PPARGC1B: variants seen among roughly 807,000 people sequenced by gnomAD.
The protein encoded by PPARGC1B is peroxisome proliferator-activated receptor gamma coactivator 1-beta.
A neutral mutation model predicts 101.6 loss-of-function variants in PPARGC1B; 34 were observed. The ratio of observed to expected loss-of-function variants is 0.33; its 90% CI spans 0.25 to 0.45. The LOEUF (loss-of-function observed/expected upper bound fraction) is 0.45, where lower values mean the gene tolerates loss of function less well. PPARGC1B is among the 20% of genes least tolerant of loss of function. PPARGC1B has a pLI of 1.00. For synonymous variants in PPARGC1B, 548 were observed against 539.3 expected (o/e 1.02, Z -0.22); for missense variants, 1,234 against 1,317.6 (o/e 0.94, Z 0.98).
intron 1 of PPARGC1B, chr5:149,732,762 A>G (rs1162860851): frequency 2.1e-6 from 1 of 469,836 alleles, no homozygotes; most frequent in Admixed American, 2.4e-5. Context: ...AGCTGGAGAA[A>G]GAGGCTGCGA....
At chr5:149,757,517 GT>G in intron 1 of PPARGC1B, among the ~76,000 whole-genome samples, 1 of 152,328 alleles carries the variant, frequency 6.6e-6, no homozygotes, top group Non-Finnish European at 1.5e-5. Context: ...GCCTCGATAA[GT>G]GGCAGAACCG....
intron 1 of PPARGC1B, among the ~76,000 whole-genome samples, chr5:149,768,441 A>ATTT (rs34427591): frequency 0.021 from 2,669 of 127,508 alleles, 161 homozygotes; most frequent in African/African-American, 0.079. Context: ...TGCCTGGCTA[A>ATTT]TTTTTTTTTT....
chr5:149,801,422 G>A (rs1024440790), intron 1 of PPARGC1B, among the ~76,000 whole-genome samples: 6 of 152,164 alleles, frequency 3.9e-5, no homozygotes, highest in South Asian at 4.1e-4. Flanking sequence ...TGTGGGAAGC[G>A]TGTTCCGGGA....
chr5:149,805,294 A>G (rs774489555), intron 1 of PPARGC1B, among the ~76,000 whole-genome samples: 2 of 152,334 alleles, frequency 1.3e-5, no homozygotes, highest in African/African-American at 4.8e-5. Flanking sequence ...CAAATTAACT[A>G]TCATAGGGTC....
At chr5:149,818,297 C>T (rs1298567920) in intron 1 of PPARGC1B, among the ~76,000 whole-genome samples, 1 of 152,092 alleles carries the variant, frequency 6.6e-6, no homozygotes, top group Non-Finnish European at 1.5e-5. Context: ...CATCCTTCCC[C>T]ACCCACCATC....
chr5:149,779,089 C>T (rs566655059), intron 1 of PPARGC1B, among the ~76,000 whole-genome samples: 2 of 152,104 alleles, frequency 1.3e-5, no homozygotes, highest in African/African-American at 4.8e-5. Context: ...AGTCCAGACT[C>T]CTCGGGACAC....
At chr5:149,766,602 ATC>A (rs1664088764) in intron 1 of PPARGC1B, among the ~76,000 whole-genome samples, 1 of 152,146 alleles carries the variant, frequency 6.6e-6, no homozygotes, top group South Asian at 2.1e-4. Context: ...CAACCAAAAT[ATC>A]TGTCCTGTTC....
At chr5:149,814,320 C>T (rs1352471650) in intron 1 of PPARGC1B, among the ~76,000 whole-genome samples, 1 of 152,196 alleles carries the variant, frequency 6.6e-6, no homozygotes, top group Non-Finnish European at 1.5e-5. Context: ...GTCATTCACA[C>T]GTATATTCCT....
intron 1 of PPARGC1B, among the ~76,000 whole-genome samples, chr5:149,807,328 G>C (rs918136567): frequency 4.6e-5 from 7 of 151,958 alleles, no homozygotes; most frequent in Admixed American, 1.3e-4. Flanking sequence ...CATGTCCCTA[G>C]GCACATCTGA....
chr5:149,835,214 C>T lies in PPARGC1B; in HGVS notation c.1743-87C>T, dbSNP rs1758995850. On this transcript the variant is annotated intron_variant, in intron 6 of 11. Coordinates refer to ENST00000309241, the MANE Select transcript of PPARGC1B (RefSeq NM_133263.4). ...GCAGTGGAACCAGGGCCTGTCACAG[C>T]ACTCCCTGCGACCCTTTCATGGGCG... The T allele has an allele frequency of 3.3e-6, 4 of 1,206,732 alleles. No homozygotes were observed. The South Asian group carries it at 4.9e-5, about 15-fold the overall frequency. 74.8% of individuals were successfully genotyped at this position (1,206,732 alleles called of 1,614,324 possible). A position where few individuals can be genotyped will look rare whatever the true frequency, so the allele number is the denominator to read the frequency against.
At chr5:149,776,506 G>C (rs1256432816) in intron 1 of PPARGC1B, among the ~76,000 whole-genome samples, 2 of 152,202 alleles carry the variant, frequency 1.3e-5, no homozygotes, top group Admixed American at 1.3e-4. Context: ...AAATCATTGT[G>C]GTAGGTGGAA....
chr5:149,741,721 A>G (rs1265407034), intron 1 of PPARGC1B, among the ~76,000 whole-genome samples: 2 of 148,204 alleles, frequency 1.3e-5, no homozygotes, highest in African/African-American at 5.0e-5. Flanking sequence ...CCCTCCTCCC[A>G]TGTTCAAGTG....
chr5:149,821,438 G>C (rs1415356199), intron 2 of PPARGC1B, among the ~76,000 whole-genome samples: 3 of 151,602 alleles, frequency 2.0e-5, no homozygotes, highest in African/African-American at 7.2e-5. Context: ...TGTGTGGGTG[G>C]GAGTGTGCGG....
chr5:149,790,742 G>T (rs947903533), intron 1 of PPARGC1B, among the ~76,000 whole-genome samples: 7 of 152,144 alleles, frequency 4.6e-5, no homozygotes, highest in African/African-American at 1.7e-4. Context: ...AGTGACTCCA[G>T]CTGTGAGATG....
rs1758888953 is a variant in PPARGC1B at position 149,833,325 on chromosome 5, A to T, written c.1252A>T (p.Arg418Trp). 1 of 1,613,276 alleles carries T rather than the reference A, an allele frequency of 6.2e-7. No homozygotes were observed. Among genetic ancestry groups the T allele is most frequent in the Admixed American group, 1.7e-5 (1 of 60,012 alleles). The stretch of plus-strand genomic sequence containing the variant: ...GCGCCCACTGCGGCTGGAGGTGAAA[A>T]GGGAGGTCCGCCGGCCTGCCAGACT... ...SLRPLRLEVK[R>W]EVRRPARLQQ... Residue 418 changes from arginine (R) to tryptophan (W), a missense_variant, in exon 5 of 12, where the codon AGG (arginine) becomes TGG (tryptophan). Around this residue, in one of 3 missense-constraint regions of PPARGC1B, gnomAD observed 734 missense variants for 768.4 expected, o/e 0.96. Transcript: ENST00000309241. This position sits in a 1 kb window ranked among gnomAD's most constrained non-coding sequence, Gnocchi z 4.1.
Position 149,810,015 on chromosome 5 carries a change from A to G in PPARGC1B, c.79-10418A>G, listed in dbSNP as rs1430120612. Among the ~76,000 whole-genome samples, 4 of 152,200 alleles carry G rather than the reference A, an allele frequency of 2.6e-5. No individual in the cohort carries two copies. In the East Asian group the frequency reaches 7.7e-4, roughly 29 times the overall value. On this transcript the variant is annotated intron_variant, in intron 1 of 11. Coordinates refer to ENST00000309241, the MANE Select transcript of PPARGC1B (RefSeq NM_133263.4). ...GCCCCGGGGTGGACACTCAAGCCAC[A>G]CAACTGTTCCAGGAGGGAGGCTGGT... is the stretch of plus-strand genomic sequence containing the variant.
intron 1 of PPARGC1B, among the ~76,000 whole-genome samples, chr5:149,764,071 A>C (rs1554133103): frequency 1.3e-5 from 2 of 152,232 alleles, no homozygotes; most frequent in Non-Finnish European, 1.5e-5. Context: ...CAAAACATAA[A>C]AAAGTTCGCA....
intron 1 of PPARGC1B, among the ~76,000 whole-genome samples, chr5:149,745,775 G>A (rs1191654230): frequency 6.6e-6 from 1 of 152,128 alleles, no homozygotes; most frequent in Non-Finnish European, 1.5e-5. Flanking sequence ...GGATCCTGCC[G>A]GTAATCAGTT....
intron 9 of PPARGC1B, among the ~76,000 whole-genome samples, chr5:149,841,147 G>A (rs571158361): frequency 5.3e-5 from 8 of 152,338 alleles, no homozygotes; most frequent in Admixed American, 1.3e-4. Flanking sequence ...AATTAGTAAT[G>A]TGCAATTAGT....
Sources: gnomAD v4.1 joint callset for allele counts (sites outside exome capture counted in the v4.1 genomes callset) on GRCh38, gnomAD v4.1.1 for gene constraint, gnomAD v4.1.1 regional missense constraint, Gnocchi (gnomAD v3.1) non-coding constraint, MANE v1.5 for transcripts, NCBI Gene and HGNC (gene_info 2026-07-23, HGNC 2026-07-21) for gene names.